Variants in FAM107B observed in about 807,000 individuals in gnomAD.
The protein encoded by FAM107B is protein FAM107B.
In FAM107B, 21 loss-of-function variants were observed where a neutral mutation model predicts 31.5. That is an observed-to-expected ratio of 0.67 (90% CI 0.47 to 0.96). FAM107B has a LOEUF of 0.96. FAM107B is among the 40% of genes least tolerant of loss of function. FAM107B has a pLI of 0.00. For synonymous variants in FAM107B, 157 were observed against 141.5 expected (o/e 1.11, Z -0.78); for missense variants, 452 against 377.1 (o/e 1.20, Z -1.64).
At chr10:14,642,641 G>C (rs888479263) in intron 2 of FAM107B, among the ~76,000 whole-genome samples, 14 of 152,160 alleles carry the variant, frequency 9.2e-5, no homozygotes, top group African/African-American at 3.4e-4. Flanking sequence ...GATAGATGAA[G>C]TATTTTCCAA....
chr10:14,619,877 C>CT lies in FAM107B; in HGVS notation c.469+47756dup, dbSNP rs946790994. On this transcript the variant is annotated intron_variant, in intron 2 of 4. Coordinates refer to ENST00000181796, the MANE Select transcript of FAM107B (RefSeq NM_031453.4). ...AGGCAATGGTGTAAAGGTTGAATTT[C>CT]TTTTTTTTTCATTAGTATACAGATG... Among the ~76,000 whole-genome samples, 1,204 of 150,538 alleles carry CT rather than the reference C, an allele frequency of 8.0e-3. 18 individuals are homozygous for CT. Among genetic ancestry groups the CT allele is most frequent in the African/African-American group, 0.028 (1,147 of 41,052 alleles).
chr10:14,761,995 T>C (rs1479195384), intron 1 of FAM107B, among the ~76,000 whole-genome samples: 3 of 152,076 alleles, frequency 2.0e-5, no homozygotes, highest in Non-Finnish European at 2.9e-5. Context: ...AAACATAAAC[T>C]TGTTGTAACA....
intron 1 of FAM107B, among the ~76,000 whole-genome samples, chr10:14,710,886 G>A (rs1855630202): frequency 6.6e-6 from 1 of 151,890 alleles, no homozygotes; most frequent in Admixed American, 6.6e-5. Flanking sequence ...AAAAATTTAT[G>A]GTAAGCTAAG....
At chr10:14,646,493 CA>C in intron 2 of FAM107B, among the ~76,000 whole-genome samples, 1 of 152,268 alleles carries the variant, frequency 6.6e-6, no homozygotes, top group South Asian at 2.1e-4. Context: ...CAAAGTTGCC[CA>C]AAAGACATTT....
At chr10:14,742,264 A>G (rs977924293) in intron 1 of FAM107B, among the ~76,000 whole-genome samples, 1 of 149,268 alleles carries the variant, frequency 6.7e-6, no homozygotes, top group African/African-American at 2.5e-5. Flanking sequence ...CTACAGGTGC[A>G]TGCCACCACA....
rs539084807 is a variant in FAM107B, at chr10:14,713,717, G to A, written c.412-46026C>T. Among the ~76,000 whole-genome samples, 3 of 152,220 alleles carry A rather than the reference G, an allele frequency of 2.0e-5. No individual in the cohort carries two copies. The South Asian group carries it at 6.2e-4, about 32-fold the overall frequency. ...CCACATGTCAACCTTGAAAAAAACA[G>A]ACATATGTACATGTATGTTCATTGC... is the stretch of plus-strand genomic sequence containing the variant. On this transcript the variant is annotated intron_variant, in intron 1 of 4. Transcript: ENST00000181796.
chr10:14,602,831 A>G (rs1167300406), intron 2 of FAM107B: 21 of 152,210 alleles, frequency 1.4e-4, no homozygotes. Context: ...TCCCTTCTGT[A>G]CAGGTGGTTA....
intron 2 of FAM107B, among the ~76,000 whole-genome samples, chr10:14,605,626 C>T (rs1852568704): frequency 6.6e-6 from 1 of 152,218 alleles, no homozygotes. Flanking sequence ...CTGGCCATCC[C>T]TGGGTCCCTG....
At chr10:14,758,094 G>C (rs927243122) in intron 1 of FAM107B, among the ~76,000 whole-genome samples, 2 of 152,200 alleles carry the variant, frequency 1.3e-5, no homozygotes, top group African/African-American at 4.8e-5. Context: ...CAATTTTTAA[G>C]TTTCAAAGGA....
At chr10:14,672,682 A>G (rs1854590394) in intron 1 of FAM107B, among the ~76,000 whole-genome samples, 1 of 152,212 alleles carries the variant, frequency 6.6e-6, no homozygotes. Context: ...GCCTCATTGA[A>G]AGGGCATGTG....
At chr10:14,535,245 G>C (rs890567327) in intron 2 of FAM107B, among the ~76,000 whole-genome samples, 5 of 152,108 alleles carry the variant, frequency 3.3e-5, no homozygotes, top group Non-Finnish European at 5.9e-5. Flanking sequence ...AATAAAACTG[G>C]TTTGAGATCC....
At chr10:14,714,524 A>G (rs1855737873) in intron 1 of FAM107B, among the ~76,000 whole-genome samples, 1 of 152,226 alleles carries the variant, frequency 6.6e-6, no homozygotes, top group African/African-American at 2.4e-5. Context: ...GCCACACCTC[A>G]GTAGACAGCA....
intron 1 of FAM107B, among the ~76,000 whole-genome samples, chr10:14,740,722 T>C (rs1378439203): frequency 6.6e-6 from 1 of 152,198 alleles, no homozygotes; most frequent in East Asian, 1.9e-4. Flanking sequence ...GAGGGGATTA[T>C]GGAGGCACTC....
chr10:14,664,441 G>A (rs1188981356), intron 2 of FAM107B, among the ~76,000 whole-genome samples: 1 of 152,134 alleles, frequency 6.6e-6, no homozygotes, highest in East Asian at 1.9e-4. Flanking sequence ...ATATACAACA[G>A]TGGACCCATA....
At chr10:14,572,282 C>T (rs10796203) in intron 2 of FAM107B, 1 of 985,150 alleles carries the variant, frequency 1.0e-6, no homozygotes, top group African/African-American at 1.8e-5. Context: ...CTTGTCTGTA[C>T]AAAAATCAGC....
intron 1 of FAM107B, among the ~76,000 whole-genome samples, chr10:14,758,181 C>T (rs1234643600): frequency 6.6e-6 from 1 of 152,200 alleles, no homozygotes; most frequent in East Asian, 1.9e-4. Context: ...ACTTCCTTTT[C>T]CCTTCCTACT....
chr10:14,756,357 G>T (rs1046333174), intron 1 of FAM107B, among the ~76,000 whole-genome samples: 8 of 152,224 alleles, frequency 5.3e-5, no homozygotes, highest in Non-Finnish European at 8.8e-5. Flanking sequence ...GAATCCAGGA[G>T]TAGCTGTGAA....
chr10:14,670,430 C>T (rs1156462401), intron 1 of FAM107B, among the ~76,000 whole-genome samples: 1 of 152,162 alleles, frequency 6.6e-6, no homozygotes, highest in Non-Finnish European at 1.5e-5. Flanking sequence ...AAAGCCCCAT[C>T]ACACAGCAAA....
intron 2 of FAM107B, among the ~76,000 whole-genome samples, chr10:14,561,233 A>G (rs932729775): frequency 6.6e-6 from 1 of 152,252 alleles, no homozygotes; most frequent in Non-Finnish European, 1.5e-5. Context: ...AAGGACACAA[A>G]GCCACTGCCC....
Sources: allele counts gnomAD v4.1 joint callset (sites outside exome capture counted in the v4.1 genomes callset), GRCh38; gene constraint gnomAD v4.1.1; transcripts MANE v1.5; gene names NCBI Gene and HGNC (gene_info 2026-07-23, HGNC 2026-07-21).